GABRG3: variants seen among roughly 807,000 people sequenced by gnomAD.
GABRG3 encodes gamma-aminobutyric acid receptor subunit gamma-3.
Under a neutral mutation model 48.8 loss-of-function variants are expected in GABRG3, and 25 were observed. The ratio of observed to expected loss-of-function variants is 0.51; its 90% CI spans 0.37 to 0.72. The LOEUF (loss-of-function observed/expected upper bound fraction) is 0.72, where lower values mean the gene tolerates loss of function less well. Ranked by LOEUF, GABRG3 falls within the 30% of genes least tolerant of loss-of-function variation. The pLI is 0.00. For synonymous variants in GABRG3, 227 were observed against 217.6 expected (o/e 1.04, Z -0.38); for missense variants, 394 against 577.9 (o/e 0.68, Z 3.26).
At chr15:27,344,782 G>A (rs772329266) in intron 5 of GABRG3, among the ~76,000 whole-genome samples, 1 of 151,978 alleles carries the variant, frequency 6.6e-6, no homozygotes, top group African/African-American at 2.4e-5. Flanking sequence ...GTATTTACTC[G>A]GAGGGGTGTT....
chr15:27,512,870 CCT>C (rs1001628101), intron 6 of GABRG3, among the ~76,000 whole-genome samples: 1 of 152,130 alleles, frequency 6.6e-6, no homozygotes, highest in African/African-American at 2.4e-5. Flanking sequence ...AAAAGTGCCC[CCT>C]GTCAACTTTA....
At chr15:27,222,226 C>G (rs1334411392) in intron 3 of GABRG3, among the ~76,000 whole-genome samples, 1 of 152,242 alleles carries the variant, frequency 6.6e-6, no homozygotes, top group African/African-American at 2.4e-5. Flanking sequence ...CTAGAGACGT[C>G]CCAGCCAGCT....
At chr15:27,008,992 G>A (rs181066032) in intron 2 of GABRG3, among the ~76,000 whole-genome samples, 1 of 152,154 alleles carries the variant, frequency 6.6e-6, no homozygotes, top group South Asian at 2.1e-4. Context: ...GGGACGGGGC[G>A]AGGATGTAGA....
At chr15:27,004,080 A>G (rs189827044) in intron 2 of GABRG3, among the ~76,000 whole-genome samples, 12,624 of 121,888 alleles carry the variant, frequency 0.1, 656 homozygotes, top group Middle Eastern at 0.3. Flanking sequence ...CGGGGGGCTG[A>G]CCCCCCTACC....
At chr15:27,392,643 C>T (rs1323376785) in intron 5 of GABRG3, among the ~76,000 whole-genome samples, 1 of 152,190 alleles carries the variant, frequency 6.6e-6, no homozygotes, top group Admixed American at 6.5e-5. Flanking sequence ...CCAACTCACA[C>T]TTTAAGGACT....
chr15:27,021,736 A>G (rs374193563), intron 2 of GABRG3, among the ~76,000 whole-genome samples: 3 of 152,196 alleles, frequency 2.0e-5, no homozygotes, highest in South Asian at 4.1e-4. Context: ...CTAGTTACTT[A>G]GGAGGCTGAG....
intron 3 of GABRG3, among the ~76,000 whole-genome samples, chr15:27,212,371 T>C (rs1442932818): frequency 6.6e-6 from 1 of 152,208 alleles, no homozygotes; most frequent in Non-Finnish European, 1.5e-5. Flanking sequence ...TCAGTTTCAG[T>C]AGGCTTAAAT....
intron 3 of GABRG3, among the ~76,000 whole-genome samples, chr15:27,065,334 C>T (rs1044745467): frequency 1.3e-5 from 2 of 152,208 alleles, no homozygotes; most frequent in African/African-American, 4.8e-5. Context: ...TGCTGCTAGA[C>T]AGTCATCTTT....
chr15:27,389,815 A>G (rs767068549), intron 5 of GABRG3, among the ~76,000 whole-genome samples: 5 of 152,220 alleles, frequency 3.3e-5, no homozygotes, highest in Admixed American at 6.5e-5. Flanking sequence ...AAAAAAGTAA[A>G]ATAATTGAAC....
chr15:27,028,831 G>C (rs1464623839), intron 3 of GABRG3, among the ~76,000 whole-genome samples: 2 of 142,386 alleles, frequency 1.4e-5, no homozygotes, highest in Non-Finnish European at 3.0e-5. Context: ...AAAAAATCCA[G>C]TAAGATCGCT....
At chr15:27,216,687 G>T (rs1889256350) in intron 3 of GABRG3, among the ~76,000 whole-genome samples, 1 of 150,754 alleles carries the variant, frequency 6.6e-6, no homozygotes, top group Non-Finnish European at 1.5e-5. Flanking sequence ...CTACCAGTGT[G>T]ATCTTCCAGG....
At chr15:27,170,361 C>T (rs1417040670) in intron 3 of GABRG3, among the ~76,000 whole-genome samples, 1 of 151,940 alleles carries the variant, frequency 6.6e-6, no homozygotes, top group Non-Finnish European at 1.5e-5. Context: ...GTAATAGATA[C>T]TGATAAATAT....
intron 5 of GABRG3, among the ~76,000 whole-genome samples, chr15:27,358,513 T>A (rs1378614163): frequency 6.7e-6 from 1 of 150,342 alleles, no homozygotes; most frequent in Non-Finnish European, 1.5e-5. Flanking sequence ...GTCATGAGGG[T>A]GAGATTAGGG....
intron 5 of GABRG3, among the ~76,000 whole-genome samples, chr15:27,392,331 C>G (rs1887157409): frequency 6.6e-6 from 1 of 152,186 alleles, no homozygotes; most frequent in African/African-American, 2.4e-5. Context: ...AACAGTTTCT[C>G]AGACTTACAT....
chr15:27,218,870 T>G (rs541023096), intron 3 of GABRG3, among the ~76,000 whole-genome samples: 1 of 152,294 alleles, frequency 6.6e-6, no homozygotes, highest in East Asian at 1.9e-4. Context: ...AGGCTCTGCA[T>G]CCATTCACAT....
intron 3 of GABRG3, among the ~76,000 whole-genome samples, chr15:27,030,207 C>T (rs1355752392): frequency 6.6e-6 from 1 of 152,124 alleles, no homozygotes; most frequent in African/African-American, 2.4e-5. Context: ...AAGGTAAAGC[C>T]TGGTAAAATT....
chr15:27,437,302 C>G (rs868314986), intron 5 of GABRG3, among the ~76,000 whole-genome samples: 13 of 152,122 alleles, frequency 8.5e-5, no homozygotes, highest in African/African-American at 3.1e-4. Context: ...CACAGAACCC[C>G]TAAACATGTC....
At chr15:27,288,730 A>AAT (rs1555415322) in intron 3 of GABRG3, among the ~76,000 whole-genome samples, 70,160 of 150,564 alleles carry the variant, frequency 0.47, 19,661 homozygotes, top group Non-Finnish European at 0.64. Flanking sequence ...AAAAAAAAAA[A>AAT]AATAAGAGGA....
intron 3 of GABRG3, among the ~76,000 whole-genome samples, chr15:27,119,978 A>C (rs1207513389): frequency 1.3e-5 from 2 of 152,226 alleles, no homozygotes; most frequent in Non-Finnish European, 2.9e-5. Flanking sequence ...GGTTGGAAGC[A>C]AGCCACAGGT....
Sources: allele counts gnomAD v4.1 joint callset (sites outside exome capture counted in the v4.1 genomes callset), GRCh38; gene constraint gnomAD v4.1.1; transcripts MANE v1.5; gene names NCBI Gene and HGNC (gene_info 2026-07-23, HGNC 2026-07-21).